The following INSYN2B variants were observed in gnomAD, a reference collection of about 807,000 sequenced individuals.
The protein encoded by INSYN2B is inhibitory synaptic factor family member 2B.
A neutral mutation model predicts 41.2 loss-of-function variants in INSYN2B; 16 were observed. The observed-to-expected ratio is 0.39, with a 90% CI of 0.26 to 0.59. The LOEUF (loss-of-function observed/expected upper bound fraction) is 0.59. Ranked by LOEUF, INSYN2B falls within the 20% of genes least tolerant of loss-of-function variation. INSYN2B has a pLI of 0.57. For missense variants in INSYN2B, 608 were observed against 646.4 expected, an observed-to-expected ratio of 0.94 and a Z score of 0.64; for synonymous variants, 245 against 244.4, an observed-to-expected ratio of 1.00 and a Z score of -0.02.
chr5:169,956,447 C>T (rs1468533178), intron 1 of INSYN2B, among the ~76,000 whole-genome samples: 2 of 152,134 alleles, frequency 1.3e-5, no homozygotes, highest in East Asian at 1.9e-4. Flanking sequence ...ATTACTGCAG[C>T]GACTTTAAGC....
At chr5:169,927,518 A>T (rs1031122802) in intron 1 of INSYN2B, among the ~76,000 whole-genome samples, 41 of 152,356 alleles carry the variant, frequency 2.7e-4, no homozygotes, top group African/African-American at 9.1e-4. Context: ...ATTAATTTGC[A>T]GGACTTAGTA....
At chr5:169,915,483 A>G (rs1774823041) in intron 1 of INSYN2B, among the ~76,000 whole-genome samples, 1 of 151,980 alleles carries the variant, frequency 6.6e-6, no homozygotes, top group South Asian at 2.1e-4. Flanking sequence ...ATTGAATCTC[A>G]GATGTTTTAA....
Position 169,963,085 on chromosome 5 carries a change from C to A in INSYN2B, c.-919+17192G>T, listed in dbSNP as rs577488352. 1.1e-3 allele frequency among the ~76,000 whole-genome samples: 171 copies of A among 152,266 alleles called. 2 individuals carry two copies. The highest frequency in any genetic ancestry group is 4.0e-3 in the African/African-American group (165 of 41,538). Reference sequence around the variant, plus strand: ...CCATCCCTGAAATATCTACTGGGTTCCCCTGGAATATGTGTTTCAGGAAAC... The same window carrying A: ...CCATCCCTGAAATATCTACTGGGTTACCCTGGAATATGTGTTTCAGGAAAC... On this transcript the variant is annotated intron_variant, in intron 1 of 3. Coordinates refer to ENST00000377365, the MANE Select transcript of INSYN2B (RefSeq NM_001129891.3).
intron 1 of INSYN2B, among the ~76,000 whole-genome samples, chr5:169,936,069 A>ATT (rs1276448324): frequency 6.6e-6 from 1 of 152,156 alleles, no homozygotes; most frequent in Non-Finnish European, 1.5e-5. Context: ...TTTCCTAAGT[A>ATT]TTTTTGCCAA....
At chr5:169,885,127 A>G (rs1772898826) in intron 1 of INSYN2B, among the ~76,000 whole-genome samples, 1 of 152,020 alleles carries the variant, frequency 6.6e-6, no homozygotes, top group African/African-American at 2.4e-5. Flanking sequence ...TTACTCACAC[A>G]CCCAGTGCCA....
intron 1 of INSYN2B, among the ~76,000 whole-genome samples, chr5:169,962,651 A>G (rs922467248): frequency 6.6e-6 from 1 of 152,168 alleles, no homozygotes; most frequent in Admixed American, 6.5e-5. Flanking sequence ...AACCTCTAGG[A>G]ACGTATTGTC....
chr5:169,882,841 C>T lies in INSYN2B; in HGVS notation c.1058G>A (p.Gly353Glu). 6.4e-7 allele frequency: 1 copy of T among 1,550,962 alleles called. No homozygotes were observed. Among genetic ancestry groups the T allele is most frequent in the Non-Finnish European group, 8.7e-7 (1 of 1,146,420 alleles). ...GTTGTTTGCCGTCTGCTCCTGACAC[C>T]CAGGGGCAGATTTCGATGCACTGTT... ...KTNSASKSAPGCQEQTANNPT... is the reference protein window; with the variant it reads ...KTNSASKSAPECQEQTANNPT... The change falls in exon 2 of 4, where the codon GGG becomes GAG. Residue 353 changes from glycine (G) to glutamate (E), a missense_variant. Gly to Glu is a moderately conservative substitution (Grantham distance 98). Transcript: ENST00000377365.
chr5:169,975,345 C>T (rs1050555889), intron 1 of INSYN2B, among the ~76,000 whole-genome samples: 1 of 152,204 alleles, frequency 6.6e-6, no homozygotes, highest in African/African-American at 2.4e-5. Flanking sequence ...GCAGCTACAG[C>T]ATGTTTCTCA....
At chr5:169,882,236 C>G (rs1772697077) in intron 2 of INSYN2B, among the ~76,000 whole-genome samples, 1 of 152,170 alleles carries the variant, frequency 6.6e-6, no homozygotes, top group African/African-American at 2.4e-5. Flanking sequence ...CATTTTCCCC[C>G]ATCATGTATC....
At chr5:169,932,686 C>T (rs1775811036) in intron 1 of INSYN2B, among the ~76,000 whole-genome samples, 1 of 152,152 alleles carries the variant, frequency 6.6e-6, no homozygotes, top group African/African-American at 2.4e-5. Context: ...AAGGCTCTTT[C>T]CCTGTTCCCT....
chr5:169,957,617 CT>C (rs1776921488), intron 1 of INSYN2B, among the ~76,000 whole-genome samples: 1 of 152,170 alleles, frequency 6.6e-6, no homozygotes, highest in Admixed American at 6.5e-5. Context: ...CACAGAAAGA[CT>C]CATTCCTGGT....
intron 1 of INSYN2B, among the ~76,000 whole-genome samples, chr5:169,935,208 C>T (rs1004490856): frequency 6.6e-6 from 1 of 152,054 alleles, no homozygotes; most frequent in Non-Finnish European, 1.5e-5. Flanking sequence ...ATGCCATTGC[C>T]GTTTCTGAGT....
intron 1 of INSYN2B, among the ~76,000 whole-genome samples, chr5:169,887,248 A>G (rs1015628964): frequency 1.3e-5 from 2 of 152,212 alleles, no homozygotes; most frequent in Non-Finnish European, 2.9e-5. Flanking sequence ...CCTTTTCTCC[A>G]GGAAGTTTAT....
intron 1 of INSYN2B, among the ~76,000 whole-genome samples, chr5:169,916,186 AG>A: frequency 6.6e-6 from 1 of 152,336 alleles, no homozygotes; most frequent in Admixed American, 6.5e-5. Context: ...CTGAAAATAG[AG>A]TCTTTTAAGA....
chr5:169,878,306 A>G (rs1385295749), intron 3 of INSYN2B, among the ~76,000 whole-genome samples: 1 of 152,204 alleles, frequency 6.6e-6, no homozygotes, highest in Non-Finnish European at 1.5e-5. Flanking sequence ...CATACCATCT[A>G]CACAGTTATT....
rs1218885712 is a variant in INSYN2B at position 169,961,978 on chromosome 5, C to A, written c.-919+18299G>T. ...TGGGTGAAAAAGTGAGACTCTGTCC[C>A]AAAAAAAAAAAAAAAAATGGAGAAA... On this transcript the variant is annotated intron_variant, in intron 1 of 3. Transcript: ENST00000377365. Among the ~76,000 whole-genome samples, 210 of 74,534 alleles carry A rather than the reference C, an allele frequency of 2.8e-3. 23 individuals carry two copies. Among genetic ancestry groups the A allele is most frequent in the African/African-American group, 7.2e-3 (107 of 14,772 alleles). 48.9% of individuals were successfully genotyped at this position (74,534 alleles called of 152,430 possible). A position where few individuals can be genotyped will look rare whatever the true frequency, so the allele number is the denominator to read the frequency against.
At chr5:169,941,567 T>C (rs1454904761) in intron 1 of INSYN2B, among the ~76,000 whole-genome samples, 2 of 152,158 alleles carry the variant, frequency 1.3e-5, no homozygotes, top group African/African-American at 4.8e-5. Context: ...GGCTGCACAG[T>C]GATGGAAAGA....
At chr5:169,905,697 C>T (rs906376741) in intron 1 of INSYN2B, among the ~76,000 whole-genome samples, 5 of 152,066 alleles carry the variant, frequency 3.3e-5, no homozygotes, top group East Asian at 1.9e-4. Flanking sequence ...TCATACAGCA[C>T]CTCTGGGAGG....
At chr5:169,942,004 T>C (rs1776263043) in intron 1 of INSYN2B, among the ~76,000 whole-genome samples, 1 of 152,246 alleles carries the variant, frequency 6.6e-6, no homozygotes, top group Non-Finnish European at 1.5e-5. Flanking sequence ...ATCTGTTCTG[T>C]AGTTGCAAAA....
Sources: gnomAD v4.1 joint callset for allele counts (sites outside exome capture counted in the v4.1 genomes callset) on GRCh38, gnomAD v4.1.1 for gene constraint, MANE v1.5 for transcripts, NCBI Gene and HGNC (gene_info 2026-07-23, HGNC 2026-07-21) for gene names.